The following CDH18 variants were observed in gnomAD, a reference collection of about 807,000 sequenced individuals.
The protein encoded by CDH18 is cadherin-18.
CDH18 carries 31 observed loss-of-function variants against 67.9 expected under a neutral mutation model. That is an observed-to-expected ratio of 0.46 (90% CI 0.34 to 0.62). The LOEUF is 0.62. Ranked by LOEUF, CDH18 falls within the 20% of genes least tolerant of loss-of-function variation. The pLI, the probability that CDH18 is intolerant of heterozygous loss-of-function variation, is 0.01. For synonymous variants in CDH18, 362 were observed against 347.2 expected, an observed-to-expected ratio of 1.04 and a Z score of -0.48; for missense variants, 890 against 975.5, an observed-to-expected ratio of 0.91 and a Z score of 1.17.
chr5:20,481,207 C>CA (rs541111689), intron 1 of CDH18, among the ~76,000 whole-genome samples: 3,955 of 128,600 alleles, frequency 0.031, 59 homozygotes, highest in Middle Eastern at 0.06. Flanking sequence ...CTTTTTAAGC[C>CA]AAAAAAAAAA....
intron 4 of CDH18, among the ~76,000 whole-genome samples, chr5:19,726,692 G>A (rs1313244011): frequency 2.0e-5 from 3 of 152,160 alleles, no homozygotes; most frequent in Admixed American, 1.3e-4. Context: ...TTGAAATCTA[G>A]ATGGAAAAAT....
At position 20,182,962 on chromosome 5, in the gene CDH18, G is replaced by T. The variant is rs1737812546; in HGVS notation, c.-518+72482C>A. Among the ~76,000 whole-genome samples the T allele has an allele frequency of 2.6e-5, 4 of 152,054 alleles. 1 individual carries two copies. In the South Asian group the frequency reaches 8.3e-4, roughly 32 times the overall value. On this transcript the variant is annotated intron_variant, in intron 2 of 14. Coordinates refer to the CDH18 transcript ENST00000507958. ...ATATAATGGGATAGTTTAACCTGAA[G>T]GGTATAGGTTCTGGAACCCTGTTGC...
chr5:20,063,389 G>A (rs1300023438), intron 2 of CDH18, among the ~76,000 whole-genome samples: 1 of 151,948 alleles, frequency 6.6e-6, no homozygotes, highest in African/African-American at 2.4e-5. Context: ...AGAATTAACA[G>A]TTTTGGGAAA....
intron 2 of CDH18, among the ~76,000 whole-genome samples, chr5:19,972,607 C>T (rs116819948): frequency 0.01 from 1,524 of 152,030 alleles, 25 homozygotes; most frequent in African/African-American, 0.035. Flanking sequence ...GATACCACTA[C>T]ATACCTGCCA....
intron 2 of CDH18, among the ~76,000 whole-genome samples, chr5:20,063,792 C>A (rs574091226): frequency 1.3e-5 from 2 of 152,184 alleles, no homozygotes; most frequent in South Asian, 2.1e-4. Flanking sequence ...ATGTACCAAC[C>A]TTATACTTTT....
chr5:20,318,811 G>A (rs1561967015), intron 1 of CDH18, among the ~76,000 whole-genome samples: 1 of 152,022 alleles, frequency 6.6e-6, no homozygotes, highest in Non-Finnish European at 1.5e-5. Context: ...ACAATGTGCA[G>A]GTTTGTTACA....
intron 2 of CDH18, among the ~76,000 whole-genome samples, chr5:19,934,881 G>A (rs1273294875): frequency 6.6e-6 from 1 of 151,290 alleles, no homozygotes; most frequent in Non-Finnish European, 1.5e-5. Context: ...CCTAAGTCCT[G>A]ATTGCTTTGT....
At chr5:19,499,686 A>G (rs1266763135) in intron 11 of CDH18, among the ~76,000 whole-genome samples, 1 of 152,064 alleles carries the variant, frequency 6.6e-6, no homozygotes, top group African/African-American at 2.4e-5. Flanking sequence ...GTCATAATTT[A>G]TGCATTTTTC....
At chr5:20,574,345 C>A (rs1758998381) in intron 1 of CDH18, among the ~76,000 whole-genome samples, 1 of 151,726 alleles carries the variant, frequency 6.6e-6, no homozygotes, top group Non-Finnish European at 1.5e-5. Flanking sequence ...TTTTTTGAAA[C>A]GTTGAACAAC....
At chr5:20,148,077 G>T (rs1750798326) in intron 2 of CDH18, among the ~76,000 whole-genome samples, 1 of 150,944 alleles carries the variant, frequency 6.6e-6, no homozygotes, top group African/African-American at 2.4e-5. Context: ...ATACAATAGT[G>T]TCTTTTGTTT....
chr5:20,229,885 C>T (rs1368665195), intron 2 of CDH18, among the ~76,000 whole-genome samples: 2 of 152,008 alleles, frequency 1.3e-5, no homozygotes, highest in African/African-American at 2.4e-5. Flanking sequence ...AATATGATTA[C>T]AGTGTTATTT....
chr5:19,634,148 C>A (rs1342715185), intron 5 of CDH18, among the ~76,000 whole-genome samples: 1 of 152,152 alleles, frequency 6.6e-6, no homozygotes. Context: ...ATTTTTGTCT[C>A]ATCTAATATT....
chr5:20,532,637 T>A (rs1028200984), intron 1 of CDH18, among the ~76,000 whole-genome samples: 1 of 152,094 alleles, frequency 6.6e-6, no homozygotes, highest in African/African-American at 2.4e-5. Context: ...CCATCTCTTA[T>A]CCCAGAATGT....
At chr5:20,280,420 C>T (rs1383587607) in intron 1 of CDH18, among the ~76,000 whole-genome samples, 1 of 152,138 alleles carries the variant, frequency 6.6e-6, no homozygotes, top group Non-Finnish European at 1.5e-5. Context: ...CATGCGTCCT[C>T]ATTGTTCAAT....
At chr5:19,510,529 A>C (rs1012327247) in intron 10 of CDH18, among the ~76,000 whole-genome samples, 3 of 152,202 alleles carry the variant, frequency 2.0e-5, no homozygotes, top group Admixed American at 1.3e-4. Context: ...AGCTAAATGT[A>C]TAGTGTTTTA....
intron 1 of CDH18, among the ~76,000 whole-genome samples, chr5:20,260,563 A>G (rs1744572264): frequency 6.6e-6 from 1 of 152,182 alleles, no homozygotes; most frequent in Non-Finnish European, 1.5e-5. Flanking sequence ...CATTTCAGAA[A>G]GACTTAAACA....
At chr5:19,778,404 A>G (rs1217189919) in intron 3 of CDH18, among the ~76,000 whole-genome samples, 3 of 152,198 alleles carry the variant, frequency 2.0e-5, no homozygotes, top group Non-Finnish European at 4.4e-5. Context: ...GAAGAAACAG[A>G]ACTACCTGAA....
At chr5:20,124,426 A>C (rs1748648461) in intron 2 of CDH18, among the ~76,000 whole-genome samples, 1 of 152,212 alleles carries the variant, frequency 6.6e-6, no homozygotes, top group South Asian at 2.1e-4. Flanking sequence ...GTTACATCTA[A>C]TACAAGCTGT....
chr5:20,479,621 G>C lies in CDH18; in HGVS notation c.-580+95841C>G, dbSNP rs185799406. 1.6e-3 allele frequency among the ~76,000 whole-genome samples: 236 copies of C among 152,170 alleles called. 1 individual carries two copies. The highest frequency in any genetic ancestry group is 5.6e-3 in the African/African-American group (233 of 41,534). ...GAATGAAGCATGACTACAAGATCTAGAAAATAGTCTTAACAGGGCAAATCT... is the reference window on the plus strand; with the variant it reads ...GAATGAAGCATGACTACAAGATCTACAAAATAGTCTTAACAGGGCAAATCT... On this transcript the variant is annotated intron_variant, in intron 1 of 14. Coordinates refer to the CDH18 transcript ENST00000507958.
Sources: gnomAD v4.1 joint callset for allele counts (sites outside exome capture counted in the v4.1 genomes callset) on GRCh38, gnomAD v4.1.1 for gene constraint, MANE v1.5 for transcripts, NCBI Gene and HGNC (gene_info 2026-07-23, HGNC 2026-07-21) for gene names.